ZFPM2: variants seen among roughly 807,000 people sequenced by gnomAD.
ZFPM2 encodes the protein zinc finger protein ZFPM2.
A neutral mutation model predicts 98.6 loss-of-function variants in ZFPM2; 20 were observed. The ratio of observed to expected loss-of-function variants is 0.20; its 90% confidence interval spans 0.14 to 0.29. ZFPM2 has a LOEUF of 0.29. Ranked by LOEUF, ZFPM2 falls within the 10% of genes least tolerant of loss-of-function variation. ZFPM2 has a pLI of 1.00. For missense variants in ZFPM2, 1,310 were observed against 1,388.6 expected (o/e 0.94, Z 0.90); for synonymous variants, 518 against 502.7 (o/e 1.03, Z -0.41).
At chr8:105,617,850 T>C (rs1816452271) in intron 4 of ZFPM2, among the ~76,000 whole-genome samples, 1 of 152,170 alleles carries the variant, frequency 6.6e-6, no homozygotes, top group Admixed American at 6.5e-5. Flanking sequence ...TCTACAGGTA[T>C]AAAAATGCCT....
chr8:105,619,394 AC>A (rs1563745608), intron 4 of ZFPM2, among the ~76,000 whole-genome samples: 1 of 151,854 alleles, frequency 6.6e-6, no homozygotes, highest in African/African-American at 2.4e-5. Flanking sequence ...TATATTGTGA[AC>A]ATCTTGAAGA....
intron 6 of ZFPM2, among the ~76,000 whole-genome samples, chr8:105,789,309 C>T (rs1465845338): frequency 1.3e-5 from 2 of 151,940 alleles, no homozygotes; most frequent in Non-Finnish European, 2.9e-5. Context: ...TTGTTCAATT[C>T]CCACCTATGA....
At chr8:105,736,390 A>G (rs946124400) in intron 5 of ZFPM2, among the ~76,000 whole-genome samples, 2 of 152,002 alleles carry the variant, frequency 1.3e-5, no homozygotes, top group Non-Finnish European at 2.9e-5. Flanking sequence ...TTAATTTGCT[A>G]TATCAACTCC....
chr8:105,676,215 A>G (rs995357584), intron 5 of ZFPM2, among the ~76,000 whole-genome samples: 4 of 152,168 alleles, frequency 2.6e-5, no homozygotes. Context: ...TAACATTGGA[A>G]TCATAGTTCA....
In ZFPM2 at chr8:105,592,125, C is replaced by G. The variant is rs182867354; in HGVS notation, c.420+30644C>G. Among the ~76,000 whole-genome samples the G allele has an allele frequency of 4.4e-3, 666 of 152,084 alleles. 6 individuals are homozygous for G. Among genetic ancestry groups the G allele is most frequent in the African/African-American group, 0.015 (619 of 41,488 alleles). ...TGAGCACAGGAAACATGCAGCAAGA[C>G]TTTACTGTCATTTGGATAAGAAAGG... On this transcript the variant is annotated intron_variant, in intron 4 of 7. Transcript: ENST00000407775.
At chr8:105,638,306 A>T (rs934845629) in intron 5 of ZFPM2, among the ~76,000 whole-genome samples, 29 of 152,086 alleles carry the variant, frequency 1.9e-4, no homozygotes, top group Non-Finnish European at 4.4e-5. Flanking sequence ...ACCCTGCATG[A>T]GCCACTGAAA....
Position 105,802,251 on chromosome 8 carries a change from C to T in ZFPM2, c.2169C>T (p.Ser723=), listed in dbSNP as rs1586285145. 3 of 1,613,858 alleles carry T rather than the reference C, an allele frequency of 1.9e-6. No individual in the cohort carries two copies. The highest frequency in any genetic ancestry group is 4.5e-5 in the East Asian group (2 of 44,828). The change falls in exon 8 of 8, where the codon TCC becomes TCT. Residue 723 remains serine, a synonymous_variant. Transcript: ENST00000407775. The part of the protein sequence containing the change: ...RHDPPLKRSA[S]NKVPAMQRTM... The stretch of plus-strand genomic sequence containing the variant: ...ACCCTCCACTGAAGAGGTCTGCTTC[C>T]AACAAAGTGCCTGCCATGCAGAGAA...
intron 5 of ZFPM2, among the ~76,000 whole-genome samples, chr8:105,766,223 C>T (rs1053287418): frequency 3.3e-5 from 5 of 151,828 alleles, no homozygotes; most frequent in African/African-American, 1.2e-4. Flanking sequence ...TCCTGTTTTT[C>T]GTTAACTATG....
At chr8:105,391,089 A>G (rs1811098389) in intron 1 of ZFPM2, among the ~76,000 whole-genome samples, 1 of 152,080 alleles carries the variant, frequency 6.6e-6, no homozygotes, top group South Asian at 2.1e-4. Context: ...GCCTCACTTT[A>G]TTGTGCTATG....
chr8:105,532,418 TAGA>T (rs1480295693), intron 3 of ZFPM2, among the ~76,000 whole-genome samples: 2 of 152,194 alleles, frequency 1.3e-5, no homozygotes, highest in Non-Finnish European at 2.9e-5. Flanking sequence ...AGTAGTAATA[TAGA>T]AGGTCAGATG....
At position 105,802,819 on chromosome 8, in the gene ZFPM2, A is replaced by G; in HGVS notation, c.2737A>G (p.Ile913Val). ...NSPDVSYERS[I>V]IKCEKNGNLK... ...CCCTGATGTCAGCTACGAAAGAAGC[A>G]TAATAAAATGTGAGAAAAATGGGAA... is the stretch of plus-strand genomic sequence containing the variant. The change falls in exon 8 of 8, where the codon ATA becomes GTA. Residue 913 changes from isoleucine to valine, a missense_variant. By Grantham distance (29) the Ile-to-Val change is conservative. Coordinates refer to ENST00000407775, the MANE Select transcript of ZFPM2 (RefSeq NM_012082.4). 1 of 1,613,724 alleles carries G rather than the reference A, an allele frequency of 6.2e-7. No individual in the cohort carries two copies. Among genetic ancestry groups the G allele is most frequent in the Non-Finnish European group, 8.5e-7 (1 of 1,179,824 alleles).
intron 5 of ZFPM2, among the ~76,000 whole-genome samples, chr8:105,722,940 T>C (rs1191705156): frequency 6.6e-6 from 1 of 151,916 alleles, no homozygotes; most frequent in African/African-American, 2.4e-5. Context: ...TGAGTCCATG[T>C]TGACAAGAAA....
intron 3 of ZFPM2, among the ~76,000 whole-genome samples, chr8:105,543,128 G>A (rs1186854487): frequency 6.6e-6 from 1 of 152,124 alleles, no homozygotes; most frequent in Admixed American, 6.6e-5. Context: ...ATGATGAGAA[G>A]TTAAATTAAA....
intron 4 of ZFPM2, among the ~76,000 whole-genome samples, chr8:105,572,475 CT>C (rs924115979): frequency 4.6e-5 from 7 of 150,564 alleles, no homozygotes; most frequent in East Asian, 3.9e-4. Context: ...TAAAGTTGTT[CT>C]TTTTTTTTGA....
chr8:105,699,803 CATAAA>C (rs1811099972), intron 5 of ZFPM2, among the ~76,000 whole-genome samples: 1 of 151,966 alleles, frequency 6.6e-6, no homozygotes, highest in African/African-American at 2.4e-5. Context: ...TACACAAAGT[CATAAA>C]ATAAAAATGT....
rs192293445 is a variant in ZFPM2 at position 105,401,963 on chromosome 8, C to T, written c.41-17181C>T. Among the ~76,000 whole-genome samples the T allele has an allele frequency of 3.2e-3, 488 of 151,952 alleles. 2 individuals carry two copies. The highest frequency in any genetic ancestry group is 5.0e-3 in the Admixed American group (77 of 15,254). ...AGCATGGTAACATGTAATTTTGTGG[C>T]GTAGGTATTAATCATGAATTGTGTT... On this transcript the variant is annotated intron_variant, in intron 1 of 7. Transcript: ENST00000407775.
chr8:105,801,443 C>G lies in ZFPM2; in HGVS notation c.1361C>G (p.Pro454Arg), dbSNP rs1309721455. Residue 454 changes from proline (P) to arginine (R), a missense_variant, in exon 8 of 8, where the codon CCA becomes CGA. Transcript: ENST00000407775. ...KTQLFLTNQRPEIQPTTNKQS... is the reference protein window; with the variant it reads ...KTQLFLTNQRREIQPTTNKQS... ...CAGCTCTTTCTCACGAACCAGAGACCAGAGATACAGCCTACAACAAATAAA... is the reference window on the plus strand; with the variant it reads ...CAGCTCTTTCTCACGAACCAGAGACGAGAGATACAGCCTACAACAAATAAA... 1 of 1,613,746 alleles carries G rather than the reference C, an allele frequency of 6.2e-7. No homozygotes were observed. The highest frequency in any genetic ancestry group is 1.3e-5 in the African/African-American group (1 of 74,890).
chr8:105,444,412 T>G, intron 3 of ZFPM2, 31 bp downstream of exon 3: 5 of 1,510,910 alleles, frequency 3.3e-6, no homozygotes, highest in Non-Finnish European at 4.5e-6. Context: ...TTCAACCGTC[T>G]TTAGTACTGT....
chr8:105,375,653 G>C (rs1164972695), intron 1 of ZFPM2, among the ~76,000 whole-genome samples: 1 of 152,122 alleles, frequency 6.6e-6, no homozygotes, highest in Non-Finnish European at 1.5e-5. Flanking sequence ...AGGCAGATGA[G>C]GCCTTGGTAT....
Sources: gnomAD v4.1 joint callset for allele counts (sites outside exome capture counted in the v4.1 genomes callset) on GRCh38, gnomAD v4.1.1 for gene constraint, MANE v1.5 for transcripts, NCBI Gene and HGNC (gene_info 2026-07-23, HGNC 2026-07-21) for gene names.